The following ASIC2 variants were observed in gnomAD, a reference collection of about 807,000 sequenced individuals.
ASIC2 encodes acid sensing ion channel subunit 2, also known as acid-sensing ion channel 2.
Under a neutral mutation model 57.3 loss-of-function variants are expected in ASIC2, and 25 were observed. The ratio of observed to expected loss-of-function variants is 0.44; its 90% CI spans 0.32 to 0.61. The LOEUF is 0.61. ASIC2 is among the 20% of genes least tolerant of loss of function. The probability of loss-of-function intolerance (pLI) is 0.06; values close to 1 mark genes in which losing one functional copy is unlikely to be tolerated. For synonymous variants in ASIC2, 319 were observed against 307.5 expected (o/e 1.04, Z -0.39); for missense variants, 641 against 738.1 (o/e 0.87, Z 1.52).
At chr17:33,736,917 G>A (rs983420728) in intron 1 of ASIC2, among the ~76,000 whole-genome samples, 2 of 152,062 alleles carry the variant, frequency 1.3e-5, no homozygotes, top group South Asian at 2.1e-4. Flanking sequence ...TAAATAATGT[G>A]GTCTCTTTTT....
intron 1 of ASIC2, among the ~76,000 whole-genome samples, chr17:33,798,318 T>C (rs1391403506): frequency 6.6e-6 from 1 of 152,220 alleles, no homozygotes; most frequent in Non-Finnish European, 1.5e-5. Flanking sequence ...GAAGCTTTGC[T>C]GCGTGGAAGG....
At chr17:33,668,101 C>G (rs549807396) in intron 1 of ASIC2, among the ~76,000 whole-genome samples, 1 of 152,016 alleles carries the variant, frequency 6.6e-6, no homozygotes, top group Non-Finnish European at 1.5e-5. Flanking sequence ...GTTTGTGAAC[C>G]GCGCTGGCGT....
intron 1 of ASIC2, among the ~76,000 whole-genome samples, chr17:34,117,872 A>G (rs987284356): frequency 1.3e-5 from 2 of 152,196 alleles, no homozygotes; most frequent in African/African-American, 4.8e-5. Context: ...GATTAGATAA[A>G]TAACAGCAAG....
intron 1 of ASIC2, among the ~76,000 whole-genome samples, chr17:33,816,583 C>G (rs1490268922): frequency 6.6e-6 from 1 of 152,102 alleles, no homozygotes; most frequent in Non-Finnish European, 1.5e-5. Context: ...TACCCTGATG[C>G]CAACTGTTGC....
chr17:34,023,315 CA>C (rs1276942765), intron 1 of ASIC2, among the ~76,000 whole-genome samples: 2 of 151,780 alleles, frequency 1.3e-5, no homozygotes, highest in African/African-American at 4.8e-5. Flanking sequence ...CTTTAGGATA[CA>C]AATCCCCATG....
At chr17:33,284,444 A>T (rs1006605834) in intron 1 of ASIC2, among the ~76,000 whole-genome samples, 1 of 152,166 alleles carries the variant, frequency 6.6e-6, no homozygotes, top group Admixed American at 6.5e-5. Flanking sequence ...GTCTGAGGGC[A>T]GAGGAGGATG....
At chr17:33,680,866 T>C (rs1039151384) in intron 1 of ASIC2, 3 of 152,370 alleles carry the variant, frequency 2.0e-5, no homozygotes, top group African/African-American at 7.2e-5. Flanking sequence ...TCCTTCTAAA[T>C]ATACAGTAGT....
At chr17:33,498,611 G>A (rs924246936) in intron 1 of ASIC2, among the ~76,000 whole-genome samples, 2 of 152,066 alleles carry the variant, frequency 1.3e-5, no homozygotes, top group African/African-American at 4.8e-5. Context: ...GAGCTGCTCG[G>A]GTGAAGACTC....
At chr17:33,208,075 G>A (rs1027510962) in intron 1 of ASIC2, among the ~76,000 whole-genome samples, 1 of 152,206 alleles carries the variant, frequency 6.6e-6, no homozygotes, top group African/African-American at 2.4e-5. Flanking sequence ...GTGGATGAGT[G>A]AATGGAGAAG....
chr17:33,659,827 G>A (rs540274789), intron 1 of ASIC2, among the ~76,000 whole-genome samples: 18 of 151,716 alleles, frequency 1.2e-4, no homozygotes, highest in Non-Finnish European at 2.1e-4. Flanking sequence ...AGCCGAGATC[G>A]CGCCACTGCA....
intron 1 of ASIC2, among the ~76,000 whole-genome samples, chr17:34,025,048 A>G (rs1907323506): frequency 6.6e-6 from 1 of 152,176 alleles, no homozygotes; most frequent in African/African-American, 2.4e-5. Context: ...TGTTGTCACT[A>G]CAGAAGTCCC....
intron 1 of ASIC2, among the ~76,000 whole-genome samples, chr17:33,251,742 T>C (rs1995101): frequency 0.078 from 11,896 of 152,254 alleles, 470 homozygotes; most frequent in South Asian, 0.11. Context: ...GAGGTTAAAG[T>C]GGCCTACTCA....
At chr17:33,716,856 A>G (rs923093015) in intron 1 of ASIC2, among the ~76,000 whole-genome samples, 4 of 152,202 alleles carry the variant, frequency 2.6e-5, no homozygotes, top group Non-Finnish European at 5.9e-5. Flanking sequence ...GGCAGGAATG[A>G]TGCCTCGCTC....
At chr17:34,016,423 CAAAAAAAAAAAAA>C (rs398041640) in intron 1 of ASIC2, among the ~76,000 whole-genome samples, 4 of 41,452 alleles carry the variant, frequency 9.6e-5, no homozygotes, top group Admixed American at 2.5e-4. Context: ...GACTCCGTCT[CAAAAAAAAAAAAA>C]AAAAAAAAAA....
intron 1 of ASIC2, among the ~76,000 whole-genome samples, chr17:33,367,063 C>G (rs1455394031): frequency 1.3e-5 from 2 of 152,248 alleles, no homozygotes; most frequent in Non-Finnish European, 2.9e-5. Flanking sequence ...GTACCAGGCC[C>G]TGCTGAATTA....
intron 3 of ASIC2, among the ~76,000 whole-genome samples, chr17:33,060,596 A>G (rs1203269792): frequency 6.6e-6 from 1 of 152,186 alleles, no homozygotes; most frequent in African/African-American, 2.4e-5. Flanking sequence ...GGGTAGCATG[A>G]TGCCTTCAGC....
At chr17:33,835,381 C>T (rs548814404) in intron 1 of ASIC2, among the ~76,000 whole-genome samples, 3 of 152,316 alleles carry the variant, frequency 2.0e-5, no homozygotes, top group Admixed American at 1.3e-4. Flanking sequence ...ACTTCTTGTC[C>T]GTTGATTTGT....
intron 1 of ASIC2, among the ~76,000 whole-genome samples, chr17:33,420,576 G>A (rs1023812617): frequency 7.2e-5 from 11 of 152,138 alleles, no homozygotes; most frequent in African/African-American, 2.7e-4. Flanking sequence ...TTGGGTTAAG[G>A]TGTTGTTTGC....
At chr17:33,805,413 T>C (rs1045116226) in intron 1 of ASIC2, among the ~76,000 whole-genome samples, 2 of 152,178 alleles carry the variant, frequency 1.3e-5, no homozygotes, top group Non-Finnish European at 2.9e-5. Flanking sequence ...GACAGCCTAA[T>C]TTTCTTAGCA....
Sources: gnomAD v4.1 joint callset for allele counts (sites outside exome capture counted in the v4.1 genomes callset) on GRCh38, gnomAD v4.1.1 for gene constraint, MANE v1.5 for transcripts, NCBI Gene and HGNC (gene_info 2026-07-23, HGNC 2026-07-21) for gene names.